SNTG2: variants seen among roughly 807,000 people sequenced by gnomAD.
SNTG2 encodes the protein syntrophin gamma 2.
Under a neutral mutation model 70.9 loss-of-function variants are expected in SNTG2, and 74 were observed. The ratio of observed to expected loss-of-function variants is 1.04; its 90% CI spans 0.86 to 1.27. SNTG2 has a LOEUF of 1.27. Among genes scored for constraint, SNTG2 ranks in the 50% most tolerant of loss-of-function variants. The pLI is 0.00. For synonymous variants in SNTG2, 278 were observed against 273.8 expected (o/e 1.02, Z -0.15); for missense variants, 717 against 690.7 (o/e 1.04, Z -0.43).
At chr2:1,027,081 T>A (rs1164619453) in intron 1 of SNTG2, among the ~76,000 whole-genome samples, 1 of 152,196 alleles carries the variant, frequency 6.6e-6, no homozygotes, top group Non-Finnish European at 1.5e-5. Context: ...GTTCTCTGTG[T>A]CCCGTGACTC....
chr2:1,256,043 CGTT>C (rs1435762957), intron 12 of SNTG2, among the ~76,000 whole-genome samples: 3 of 150,234 alleles, frequency 2.0e-5, no homozygotes, highest in South Asian at 2.1e-4. Context: ...GCAATTTTGT[CGTT>C]GTGCAAACAT....
intron 4 of SNTG2, among the ~76,000 whole-genome samples, chr2:1,118,373 C>A (rs559603529): frequency 6.6e-6 from 1 of 152,084 alleles, no homozygotes; most frequent in South Asian, 2.1e-4. Context: ...CATCATTGTC[C>A]TGAATTCCTG....
chr2:1,238,567 AG>A (rs1676836471), intron 10 of SNTG2, among the ~76,000 whole-genome samples: 1 of 152,256 alleles, frequency 6.6e-6, no homozygotes, highest in East Asian at 1.9e-4. Context: ...TAAAAATTAA[AG>A]AAATGAAAAG....
intron 1 of SNTG2, among the ~76,000 whole-genome samples, chr2:1,032,968 G>A (rs1660921945): frequency 6.6e-6 from 1 of 152,220 alleles, no homozygotes; most frequent in Non-Finnish European, 1.5e-5. Context: ...AGAATGCAAA[G>A]CTGGGGCAGT....
At chr2:1,307,896 C>T (rs1182291651) in intron 14 of SNTG2, among the ~76,000 whole-genome samples, 1 of 152,190 alleles carries the variant, frequency 6.6e-6, no homozygotes, top group Admixed American at 6.5e-5. Flanking sequence ...CCGGGCCGCC[C>T]TCCGCACAAA....
chr2:1,009,198 G>T (rs1209854704), intron 1 of SNTG2, among the ~76,000 whole-genome samples: 1 of 114,936 alleles, frequency 8.7e-6, no homozygotes, highest in Non-Finnish European at 2.0e-5. Flanking sequence ...GGTGTGGGTC[G>T]TGTGTATGGC....
intron 1 of SNTG2, among the ~76,000 whole-genome samples, chr2:1,024,486 C>T (rs1227365444): frequency 2.6e-5 from 4 of 152,162 alleles, no homozygotes; most frequent in Non-Finnish European, 5.9e-5. Context: ...CCTCCTGCTT[C>T]GGCTTCCTGA....
chr2:1,077,343 A>C (rs1293385028), intron 1 of SNTG2, among the ~76,000 whole-genome samples: 2 of 152,196 alleles, frequency 1.3e-5, no homozygotes, highest in Non-Finnish European at 2.9e-5. Flanking sequence ...CGGTGTTGCT[A>C]TTCCTTTTAA....
At chr2:971,304 G>GT (rs140073425) in intron 1 of SNTG2, among the ~76,000 whole-genome samples, 16,790 of 151,876 alleles carry the variant, frequency 0.11, 1,151 homozygotes, top group Middle Eastern at 0.23. Flanking sequence ...TTGTTTGTTT[G>GT]TTTTTTTATC....
At chr2:1,271,504 T>A (rs1679018145) in intron 14 of SNTG2, among the ~76,000 whole-genome samples, 2 of 152,068 alleles carry the variant, frequency 1.3e-5, no homozygotes, top group Admixed American at 6.5e-5. Flanking sequence ...GTATAAAATA[T>A]CTATCAGATA....
At chr2:1,255,833 A>AT (rs1678031547) in intron 12 of SNTG2, among the ~76,000 whole-genome samples, 5 of 35,740 alleles carry the variant, frequency 1.4e-4, no homozygotes, top group Non-Finnish European at 2.4e-4. Flanking sequence ...TATATATATA[A>AT]ATATATATAA....
chr2:1,069,356 CTT>C (rs1663369607), intron 1 of SNTG2, among the ~76,000 whole-genome samples: 1 of 150,904 alleles, frequency 6.6e-6, no homozygotes, highest in South Asian at 2.1e-4. Context: ...AAAAAAACCT[CTT>C]GTCTTCTGAT....
intron 16 of SNTG2, among the ~76,000 whole-genome samples, chr2:1,318,779 G>A (rs765470721): frequency 1.3e-5 from 2 of 150,656 alleles, no homozygotes; most frequent in Admixed American, 6.6e-5. Context: ...CGCCATCACC[G>A]GGGAGGAGCA....
intron 1 of SNTG2, among the ~76,000 whole-genome samples, chr2:1,081,273 GA>G (rs1299821097): frequency 1.3e-5 from 2 of 152,202 alleles, no homozygotes; most frequent in African/African-American, 2.4e-5. Context: ...CCGTGTGTGA[GA>G]GTAAATGCGG....
At chr2:1,251,151 T>G (rs1208822523) in intron 12 of SNTG2, among the ~76,000 whole-genome samples, 1 of 152,218 alleles carries the variant, frequency 6.6e-6, no homozygotes, top group Admixed American at 6.5e-5. Context: ...TGAAGTTGAA[T>G]TAGCCCCAGA....
intron 2 of SNTG2, among the ~76,000 whole-genome samples, chr2:1,085,408 T>C (rs1390811580): frequency 2.0e-5 from 3 of 152,232 alleles, no homozygotes; most frequent in African/African-American, 7.2e-5. Context: ...AAAATGGGCC[T>C]ATGCTCATAG....
chr2:1,297,376 C>T (rs1680262305), intron 14 of SNTG2, among the ~76,000 whole-genome samples: 1 of 152,240 alleles, frequency 6.6e-6, no homozygotes, highest in South Asian at 2.1e-4. Context: ...GTACTTTGCA[C>T]ATCTCCATTA....
At chr2:962,549 A>G (rs1371500141) in intron 1 of SNTG2, among the ~76,000 whole-genome samples, 2 of 152,246 alleles carry the variant, frequency 1.3e-5, no homozygotes, top group African/African-American at 4.8e-5. Flanking sequence ...TCTGCAATGC[A>G]GAAAAATAAT....
intron 1 of SNTG2, among the ~76,000 whole-genome samples, chr2:967,543 A>G (rs1660607045): frequency 6.6e-6 from 1 of 152,184 alleles, no homozygotes; most frequent in Non-Finnish European, 1.5e-5. Context: ...CTTACATTCT[A>G]GAGATAAATC....
Sources: gnomAD v4.1 joint callset for allele counts (sites outside exome capture counted in the v4.1 genomes callset) on GRCh38, gnomAD v4.1.1 for gene constraint, MANE v1.5 for transcripts, NCBI Gene and HGNC (gene_info 2026-07-23, HGNC 2026-07-21) for gene names.